NCEH1: variants seen among roughly 807,000 people sequenced by gnomAD.
NCEH1 encodes the protein 2-acetyl MAGE hydrolase.
A neutral mutation model predicts 25.4 loss-of-function variants in NCEH1; 9 were observed. The observed-to-expected ratio is 0.35, with a 90% CI of 0.21 to 0.62. NCEH1 has a LOEUF of 0.62. Ranked by LOEUF, NCEH1 falls within the 20% of genes least tolerant of loss-of-function variation. NCEH1 has a pLI of 0.72. For missense variants in NCEH1, 412 were observed against 501.1 expected, an observed-to-expected ratio of 0.82 and a Z score of 1.70; for synonymous variants, 200 against 199.8, an observed-to-expected ratio of 1.00 and a Z score of -0.01.
At chr3:172,654,363 G>A (rs535319016) in intron 1 of NCEH1, among the ~76,000 whole-genome samples, 4 of 152,174 alleles carry the variant, frequency 2.6e-5, no homozygotes, top group Non-Finnish European at 5.9e-5. Flanking sequence ...CTAGAACAGT[G>A]CCTGTCACAT....
chr3:172,675,302 C>CAAAT (rs56201640), intron 1 of NCEH1, among the ~76,000 whole-genome samples: 6,024 of 142,412 alleles, frequency 0.042, 421 homozygotes, highest in African/African-American at 0.15. Context: ...GATCCTGTCT[C>CAAAT]AAATAAATAA....
intron 1 of NCEH1, among the ~76,000 whole-genome samples, chr3:172,695,750 C>A (rs1358196649): frequency 6.6e-6 from 1 of 151,988 alleles, no homozygotes. Flanking sequence ...TTGAGACCAG[C>A]CTGGCCAAAA....
intron 1 of NCEH1, among the ~76,000 whole-genome samples, chr3:172,656,878 CCT>C (rs2108503096): frequency 6.6e-6 from 1 of 152,266 alleles, no homozygotes; most frequent in South Asian, 2.1e-4. Flanking sequence ...CCAATGAACC[CCT>C]GACCCCAATG....
intron 3 of NCEH1, among the ~76,000 whole-genome samples, chr3:172,638,276 CAAAAAAAAAAAAAAAAAAAA>C (rs57018096): frequency 4.4e-5 from 1 of 22,576 alleles, no homozygotes; most frequent in South Asian, 1.7e-3. Context: ...AGACTCTGTC[CAAAAAAAAAAAAAAAAAAAA>C]AAAAAAAAAA....
intron 1 of NCEH1, among the ~76,000 whole-genome samples, chr3:172,704,914 T>C (rs1307855852): frequency 2.6e-5 from 4 of 152,200 alleles, no homozygotes; most frequent in Admixed American, 6.5e-5. Context: ...TAGACTGTGG[T>C]TTCTTCTAGG....
chr3:172,685,217 C>G (rs527640530), intron 1 of NCEH1, among the ~76,000 whole-genome samples: 1 of 151,204 alleles, frequency 6.6e-6, no homozygotes, highest in African/African-American at 2.4e-5. Flanking sequence ...TGGCTTGAGC[C>G]TGGGAGGCAG....
Position 172,647,901 on chromosome 3 carries a change from C to CTTG in NCEH1, c.351_352insCAA (p.Trp117_Ala118insGln), listed in dbSNP as rs770569110. The CTTG allele has an allele frequency of 6.2e-7, 1 of 1,614,142 alleles. No individual in the cohort carries two copies. The highest frequency in any genetic ancestry group is 8.5e-7 in the Non-Finnish European group (1 of 1,180,034). ...CAGGACGCACTTGCACTTGCCAAGG[C>CTTG]CCAGCCTCCTCCGTGGATATAAACG... On this transcript the variant is annotated inframe_insertion, in exon 2 of 5. Transcript: ENST00000475381.
chr3:172,657,210 C>T (rs1170919579), intron 1 of NCEH1, among the ~76,000 whole-genome samples: 2 of 152,148 alleles, frequency 1.3e-5, no homozygotes, highest in African/African-American at 4.8e-5. Flanking sequence ...CTACTAAATT[C>T]AAAGCCTATG....
intron 1 of NCEH1, among the ~76,000 whole-genome samples, chr3:172,668,231 A>G (rs1011904784): frequency 4.6e-5 from 7 of 152,190 alleles, no homozygotes; most frequent in African/African-American, 1.7e-4. Context: ...GGAAGAAAGC[A>G]GGTAGGGAAA....
chr3:172,636,046 T>C lies in NCEH1; in HGVS notation c.479A>G (p.His160Arg), dbSNP rs1219763869. 9 of 1,614,146 alleles carry C rather than the reference T, an allele frequency of 5.6e-6. No homozygotes were observed. The highest frequency in any genetic ancestry group is 7.6e-6 in the Non-Finnish European group (9 of 1,180,000). The change falls in exon 4 of 5, where the codon CAT becomes CGT. Residue 160 changes from histidine to arginine, a missense_variant. His to Arg is a conservative substitution (Grantham distance 29, BLOSUM62 0). Coordinates refer to ENST00000475381, the MANE Select transcript of NCEH1 (RefSeq NM_020792.6). ...VPKVYFPEQI[H>R]DVVRATKYFL... is the part of the protein sequence containing the mutation. ...ATACTTTGTGGCCCGTACAACATCA[T>C]GAATTTGCTCAGGAAAATAAACCTT...
intron 1 of NCEH1, among the ~76,000 whole-genome samples, chr3:172,651,713 C>CA (rs1368105791): frequency 2.0e-5 from 3 of 152,052 alleles, no homozygotes; most frequent in African/African-American, 7.2e-5. Context: ...CATGCACCAC[C>CA]ACTCCTGGCT....
intron 1 of NCEH1, among the ~76,000 whole-genome samples, chr3:172,694,508 A>G (rs1713253846): frequency 6.6e-6 from 1 of 152,140 alleles, no homozygotes; most frequent in African/African-American, 2.4e-5. Flanking sequence ...TATTTTGACT[A>G]TTTCTTGTCA....
At chr3:172,691,236 C>G (rs1490615286) in intron 1 of NCEH1, among the ~76,000 whole-genome samples, 1 of 152,144 alleles carries the variant, frequency 6.6e-6, no homozygotes, top group African/African-American at 2.4e-5. Flanking sequence ...GTATCCATGT[C>G]AGACATCCCT....
chr3:172,665,416 C>A (rs1718161470), intron 1 of NCEH1, among the ~76,000 whole-genome samples: 1 of 152,174 alleles, frequency 6.6e-6, no homozygotes, highest in Non-Finnish European at 1.5e-5. Flanking sequence ...GAGGTGCCTC[C>A]CAGTTAGGCT....
intron 1 of NCEH1, among the ~76,000 whole-genome samples, chr3:172,696,641 G>GCCGGGA (rs1713393688): frequency 6.6e-6 from 1 of 152,162 alleles, no homozygotes; most frequent in African/African-American, 2.4e-5. Context: ...ATAGCTCAAA[G>GCCGGGA]CCGGGATTTG....
chr3:172,642,889 G>A (rs1716926336), intron 3 of NCEH1, among the ~76,000 whole-genome samples: 2 of 152,152 alleles, frequency 1.3e-5, no homozygotes, highest in Non-Finnish European at 2.9e-5. Flanking sequence ...GAAGGAAGAC[G>A]TGATTTCTGT....
At chr3:172,661,790 T>TTTTTGC (rs1717984597) in intron 1 of NCEH1, among the ~76,000 whole-genome samples, 1 of 151,922 alleles carries the variant, frequency 6.6e-6, no homozygotes, top group South Asian at 2.1e-4. Context: ...TATTGGTGTA[T>TTTTTGC]AGGAATGCTT....
chr3:172,652,115 A>G (rs1162664272), intron 1 of NCEH1, among the ~76,000 whole-genome samples: 1 of 152,214 alleles, frequency 6.6e-6, no homozygotes, highest in East Asian at 1.9e-4. Flanking sequence ...CCCTGGAAAG[A>G]GGCAAGACCT....
intron 1 of NCEH1, among the ~76,000 whole-genome samples, chr3:172,694,663 C>A (rs1713261868): frequency 6.6e-6 from 1 of 152,316 alleles, no homozygotes; most frequent in South Asian, 2.1e-4. Flanking sequence ...GGGGCCCTGA[C>A]AGGCCCATTG....
Sources: gnomAD v4.1 joint callset for allele counts (sites outside exome capture counted in the v4.1 genomes callset) on GRCh38, gnomAD v4.1.1 for gene constraint, MANE v1.5 for transcripts, NCBI Gene and HGNC (gene_info 2026-07-23, HGNC 2026-07-21) for gene names.